Variants in DCDC1 observed in about 807,000 individuals in gnomAD.
DCDC1 encodes doublecortin domain-containing protein 1.
In DCDC1, 200 loss-of-function variants were observed where a neutral mutation model predicts 178.3. The ratio of observed to expected loss-of-function variants is 1.12; its 90% confidence interval spans 1.00 to 1.26. DCDC1 has a LOEUF of 1.26. Among genes scored for constraint, DCDC1 ranks in the 50% most tolerant of loss-of-function variants. DCDC1 has a pLI of 0.00. For synonymous variants in DCDC1, 690 were observed against 604.8 expected (o/e 1.14, Z -2.07); for missense variants, 1,983 against 1,749.2 (o/e 1.13, Z -2.38).
At chr11:31,085,020 T>C (rs548855778) in intron 17 of DCDC1, among the ~76,000 whole-genome samples, 2 of 151,788 alleles carry the variant, frequency 1.3e-5, no homozygotes, top group East Asian at 4.0e-4. Context: ...CCCATCAAGC[T>C]ATCTATAACT....
chr11:30,980,428 A>G (rs919433799), intron 20 of DCDC1, among the ~76,000 whole-genome samples: 4 of 152,164 alleles, frequency 2.6e-5, no homozygotes, highest in Non-Finnish European at 4.4e-5. Context: ...ATACTAGTAT[A>G]CCAGTAGTAT....
intron 20 of DCDC1, among the ~76,000 whole-genome samples, chr11:31,030,029 A>T (rs1340233328): frequency 6.6e-6 from 1 of 152,034 alleles, no homozygotes; most frequent in Admixed American, 6.6e-5. Context: ...AAATTCTTCA[A>T]TTTTTACTTC....
At position 30,873,336 on chromosome 11, in the gene DCDC1, TGTATATAC is replaced by T. The variant is rs1272305662; in HGVS notation, c.*40+5200_*40+5207del. Among the ~76,000 whole-genome samples the T allele has an allele frequency of 3.2e-5, 4 of 126,638 alleles. No individual in the cohort carries two copies. The Admixed American group carries it at 3.3e-4, about 10-fold the overall frequency. 83.1% of individuals were successfully genotyped at this position (126,638 alleles called of 152,430 possible). A position where few individuals can be genotyped will look rare whatever the true frequency, so the allele number is the denominator to read the frequency against. On this transcript the variant is annotated intron_variant, in intron 38 of 38. Transcript: ENST00000684477. ...ATGTATAAATATATAAAAATGTGTG[TGTATATAC>T]ATATATATATATATATATATAGAGA...
At chr11:31,184,917 C>T (rs1969285881) in intron 9 of DCDC1, among the ~76,000 whole-genome samples, 1 of 152,024 alleles carries the variant, frequency 6.6e-6, no homozygotes, top group Non-Finnish European at 1.5e-5. Flanking sequence ...GGGTATATAC[C>T]CAAAGGTTTA....
intron 1 of DCDC1, among the ~76,000 whole-genome samples, chr11:31,361,480 A>G (rs908014910): frequency 2.0e-5 from 3 of 152,076 alleles, no homozygotes. Context: ...AACCAAATAT[A>G]TTTCTCATCT....
chr11:31,312,985 G>A (rs976041842), intron 3 of DCDC1, among the ~76,000 whole-genome samples: 1 of 151,436 alleles, frequency 6.6e-6, no homozygotes, highest in Non-Finnish European at 1.5e-5. Context: ...GCAAGACCTC[G>A]TCTCTAAAAA....
intron 20 of DCDC1, among the ~76,000 whole-genome samples, chr11:30,981,274 C>T (rs1950382480): frequency 6.6e-6 from 1 of 151,956 alleles, no homozygotes; most frequent in Non-Finnish European, 1.5e-5. Flanking sequence ...ACACTAGAAC[C>T]CCAAATCTCA....
At chr11:31,274,286 C>G (rs1344171499) in intron 7 of DCDC1, among the ~76,000 whole-genome samples, 3 of 152,166 alleles carry the variant, frequency 2.0e-5, no homozygotes, top group Non-Finnish European at 4.4e-5. Context: ...TGATATGTTT[C>G]TTTTATTCAT....
intron 18 of DCDC1, among the ~76,000 whole-genome samples, chr11:31,065,542 GA>G (rs1192613752): frequency 2.6e-5 from 4 of 152,098 alleles, no homozygotes; most frequent in Non-Finnish European, 5.9e-5. Context: ...TTCTGCTCTA[GA>G]AGATAAGAAA....
chr11:30,947,021 C>G (rs1166629076), intron 21 of DCDC1, among the ~76,000 whole-genome samples: 1 of 152,044 alleles, frequency 6.6e-6, no homozygotes, highest in Non-Finnish European at 1.5e-5. Flanking sequence ...CAGGATGTTA[C>G]AAGTAAAACA....
At chr11:31,339,267 G>A (rs1950426017) in intron 1 of DCDC1, among the ~76,000 whole-genome samples, 1 of 152,078 alleles carries the variant, frequency 6.6e-6, no homozygotes, top group Admixed American at 6.5e-5. Context: ...TTATTATGAG[G>A]CAGAGCCTTT....
chr11:31,335,124 C>T (rs991349524), intron 2 of DCDC1, among the ~76,000 whole-genome samples: 2 of 152,192 alleles, frequency 1.3e-5, no homozygotes, highest in Admixed American at 6.5e-5. Flanking sequence ...ACCCCTCCTC[C>T]TGCCAGGCTG....
At chr11:30,943,364 T>G (rs163853) in intron 21 of DCDC1, 2 of 189,258 alleles carry the variant, frequency 1.1e-5, no homozygotes, top group African/African-American at 4.8e-5. Context: ...CGTCTCCTTT[T>G]CCCCCCTCTT....
chr11:30,965,331 A>G (rs1189998471), intron 20 of DCDC1, among the ~76,000 whole-genome samples: 3 of 152,088 alleles, frequency 2.0e-5, no homozygotes, highest in Non-Finnish European at 4.4e-5. Flanking sequence ...ATATCATACC[A>G]CAAAAGAAAT....
chr11:30,913,144 G>C (rs10835721), intron 27 of DCDC1, among the ~76,000 whole-genome samples: 1 of 152,000 alleles, frequency 6.6e-6, no homozygotes, highest in East Asian at 1.9e-4. Context: ...ACTCTTGGCC[G>C]GGCGCGGTGG....
chr11:30,876,482 A>T (rs183373377), intron 38 of DCDC1, among the ~76,000 whole-genome samples: 87 of 152,306 alleles, frequency 5.7e-4, no homozygotes, highest in African/African-American at 1.9e-3. Context: ...TCATCTACAA[A>T]GTAAGTGTCG....
intron 17 of DCDC1, among the ~76,000 whole-genome samples, chr11:31,086,764 T>C (rs1487625293): frequency 1.3e-5 from 2 of 152,190 alleles, no homozygotes; most frequent in Admixed American, 6.5e-5. Context: ...CACTTGTTCA[T>C]GATACATCTT....
chr11:31,315,801 T>TCCCCTCCCCCCCCCCCCCC (rs1949072495), intron 3 of DCDC1, among the ~76,000 whole-genome samples: 1 of 78,878 alleles, frequency 1.3e-5, no homozygotes, highest in Non-Finnish European at 2.4e-5. Context: ...GCTATCCCTC[T>TCCCCTCCCCCCCCCCCCCC]CCCCTCCCCC....
intron 10 of DCDC1, among the ~76,000 whole-genome samples, chr11:31,132,077 T>C (rs1258151861): frequency 1.3e-5 from 2 of 152,222 alleles, no homozygotes; most frequent in Non-Finnish European, 2.9e-5. Context: ...ACTATTTTTA[T>C]TGGCTCCAGG....
Sources: allele counts gnomAD v4.1 joint callset (sites outside exome capture counted in the v4.1 genomes callset), GRCh38; gene constraint gnomAD v4.1.1; transcripts MANE v1.5; gene names NCBI Gene and HGNC (gene_info 2026-07-23, HGNC 2026-07-21).